The following PLPPR1 variants were observed in gnomAD, a reference collection of about 807,000 sequenced individuals.
PLPPR1 encodes phospholipid phosphatase related 1.
A neutral mutation model predicts 33.1 loss-of-function variants in PLPPR1; 10 were observed. The observed-to-expected ratio is 0.30, with a 90% CI of 0.19 to 0.51. PLPPR1 has a LOEUF of 0.51. Among genes scored for constraint, PLPPR1 ranks in the 20% least tolerant of loss-of-function variants. The probability of loss-of-function intolerance (pLI) is 0.97; values close to 1 mark genes in which losing one functional copy is unlikely to be tolerated. For synonymous variants in PLPPR1, 151 were observed against 151.0 expected (o/e 1.00, Z 0.00); for missense variants, 304 against 408.1 (o/e 0.74, Z 2.20).
intron 1 of PLPPR1, among the ~76,000 whole-genome samples, chr9:101,144,784 C>T (rs900986213): frequency 1.1e-4 from 16 of 152,202 alleles, no homozygotes; most frequent in African/African-American, 3.9e-4. Flanking sequence ...TTGAAAACTA[C>T]TGGTCTGAAG....
intron 2 of PLPPR1, among the ~76,000 whole-genome samples, chr9:101,223,012 C>A (rs1826979526): frequency 6.6e-6 from 1 of 151,762 alleles, no homozygotes; most frequent in Non-Finnish European, 1.5e-5. Flanking sequence ...TGAAGAAACG[C>A]ATTTAAGAAA....
chr9:101,316,174 C>T (rs1391984440), intron 6 of PLPPR1, among the ~76,000 whole-genome samples: 4 of 152,074 alleles, frequency 2.6e-5, no homozygotes, highest in East Asian at 1.9e-4. Context: ...CGGTGGCTCA[C>T]GCCTGTAATT....
rs561995017 is a variant in PLPPR1 at position 101,298,167 on chromosome 9, C to G, written c.386-11044C>G. Among the ~76,000 whole-genome samples, 51 of 152,236 alleles carry G rather than the reference C, an allele frequency of 3.4e-4. No homozygotes were observed. The South Asian group carries it at 9.5e-3, about 28-fold the overall frequency. On this transcript the variant is annotated intron_variant, in intron 4 of 7. Transcript: ENST00000374874. ...TAATTAAAAAACTGATCCAAATATG[C>G]AAACATTAGACTATTAGCACTAAAA...
chr9:101,092,181 T>A (rs74605904), intron 1 of PLPPR1, among the ~76,000 whole-genome samples: 1 of 152,160 alleles, frequency 6.6e-6, no homozygotes, highest in African/African-American at 2.4e-5. Flanking sequence ...CTTGCTAAAG[T>A]CTACTTCTCT....
At chr9:101,216,018 C>T (rs933763026) in intron 2 of PLPPR1, among the ~76,000 whole-genome samples, 5 of 152,122 alleles carry the variant, frequency 3.3e-5, no homozygotes, top group Admixed American at 6.5e-5. Context: ...AGTGGGATTA[C>T]GGGATCATAT....
At chr9:101,249,148 G>A (rs1827670462) in intron 2 of PLPPR1, among the ~76,000 whole-genome samples, 1 of 152,070 alleles carries the variant, frequency 6.6e-6, no homozygotes, top group Admixed American at 6.6e-5. Context: ...CATCCTCACT[G>A]AAGCCATTTG....
intron 4 of PLPPR1, among the ~76,000 whole-genome samples, chr9:101,307,774 T>C (rs1411905950): frequency 6.6e-6 from 1 of 152,186 alleles, no homozygotes; most frequent in Non-Finnish European, 1.5e-5. Context: ...GGAGTCAAAA[T>C]TGGGTAGACA....
At chr9:101,270,117 A>AT (rs1828067869) in intron 3 of PLPPR1, 49 bp downstream of exon 3, 3 of 1,580,266 alleles carry the variant, frequency 1.9e-6, no homozygotes, top group Non-Finnish European at 2.6e-6. Context: ...ACCCAAGAAT[A>AT]TTTTCTGTCT....
In PLPPR1 at chr9:101,183,014, G is replaced by A. The variant is rs1227874669; in HGVS notation, c.-45-2436G>A. 2.0e-5 allele frequency among the ~76,000 whole-genome samples: 3 copies of A among 151,858 alleles called. No homozygotes were observed. In the East Asian group the frequency reaches 5.8e-4, roughly 29 times the overall value. On this transcript the variant is annotated intron_variant, in intron 1 of 7. Coordinates refer to ENST00000374874, the MANE Select transcript of PLPPR1 (RefSeq NM_207299.2). ...ATAAAAATGTCAATGACAGTGTGGA[G>A]AAATGGGAACTCTCATACATTGCTG...
intron 2 of PLPPR1, among the ~76,000 whole-genome samples, chr9:101,256,046 A>G (rs1827796125): frequency 6.6e-6 from 1 of 152,132 alleles, no homozygotes; most frequent in African/African-American, 2.4e-5. Flanking sequence ...TTCCATTGCT[A>G]ACCCATTTCT....
At chr9:101,252,920 GGA>G (rs983679131) in intron 2 of PLPPR1, among the ~76,000 whole-genome samples, 2 of 151,640 alleles carry the variant, frequency 1.3e-5, no homozygotes, top group Non-Finnish European at 2.9e-5. Context: ...ATTCTAATGT[GGA>G]GTCATAAAAT....
chr9:101,217,742 G>A (rs1826831794), intron 2 of PLPPR1, among the ~76,000 whole-genome samples: 1 of 152,114 alleles, frequency 6.6e-6, no homozygotes, highest in African/African-American at 2.4e-5. Context: ...GATATAGAAT[G>A]TTTATAGAAA....
intron 1 of PLPPR1, among the ~76,000 whole-genome samples, chr9:101,161,028 T>G (rs1831766195): frequency 6.6e-6 from 1 of 152,166 alleles, no homozygotes; most frequent in Non-Finnish European, 1.5e-5. Context: ...ATTAAACCGC[T>G]TTGATTTTGA....
rs557529437 is a variant in PLPPR1 at position 101,272,034 on chromosome 9, A to C, written c.252+1966A>C. Among the ~76,000 whole-genome samples the C allele has an allele frequency of 1.6e-3, 216 of 138,854 alleles. 1 individual carries two copies. Among genetic ancestry groups the C allele is most frequent in the South Asian group, 2.5e-3 (11 of 4,366 alleles). 91.1% of individuals were successfully genotyped at this position (138,854 alleles called of 152,430 possible). ...GTCAGACATACAAATACAGTTAAGA[A>C]AACATATACTTAAAAATGAAAATAT... On this transcript the variant is annotated intron_variant, in intron 3 of 7. Transcript: ENST00000374874.
intron 1 of PLPPR1, among the ~76,000 whole-genome samples, chr9:101,130,273 G>GA (rs1831298734): frequency 1.3e-5 from 2 of 152,118 alleles, no homozygotes; most frequent in Admixed American, 1.3e-4. Context: ...ATGGTGAGAA[G>GA]CTCCTGCTTT....
intron 1 of PLPPR1, among the ~76,000 whole-genome samples, chr9:101,109,331 C>T (rs778093537): frequency 1.3e-5 from 2 of 151,858 alleles, no homozygotes; most frequent in Non-Finnish European, 2.9e-5. Flanking sequence ...GTTTGGGAAC[C>T]TCTGATCTAC....
intron 2 of PLPPR1, among the ~76,000 whole-genome samples, chr9:101,193,650 G>A (rs1269211721): frequency 6.6e-6 from 1 of 152,046 alleles, no homozygotes; most frequent in East Asian, 1.9e-4. Context: ...TTTGACATTT[G>A]TATGGTATTT....
At chr9:101,138,794 C>T (rs941709525) in intron 1 of PLPPR1, among the ~76,000 whole-genome samples, 4 of 152,092 alleles carry the variant, frequency 2.6e-5, no homozygotes, top group Admixed American at 6.6e-5. Flanking sequence ...GAAGATAATA[C>T]CTTACCAGGA....
At chr9:101,081,687 G>A (rs541654156) in intron 1 of PLPPR1, among the ~76,000 whole-genome samples, 18 of 152,158 alleles carry the variant, frequency 1.2e-4, no homozygotes, top group African/African-American at 1.7e-4. Context: ...GTTACATATC[G>A]ACATGGTCCA....
Sources: gnomAD v4.1 joint callset for allele counts (sites outside exome capture counted in the v4.1 genomes callset) on GRCh38, gnomAD v4.1.1 for gene constraint, MANE v1.5 for transcripts, NCBI Gene and HGNC (gene_info 2026-07-23, HGNC 2026-07-21) for gene names.